The following GNAS variants were observed in gnomAD, a reference collection of about 807,000 sequenced individuals.
The protein encoded by GNAS is protein ALEX.
In GNAS, 8 loss-of-function variants were observed where a neutral mutation model predicts 54.5. That is an observed-to-expected ratio of 0.15 (90% CI 0.09 to 0.26). The LOEUF (loss-of-function observed/expected upper bound fraction) is 0.26. Ranked by LOEUF, GNAS falls within the 10% of genes least tolerant of loss-of-function variation. GNAS has a pLI of 1.00. For synonymous variants in GNAS, 204 were observed against 191.4 expected, an observed-to-expected ratio of 1.07 and a Z score of -0.54; for missense variants, 170 against 529.8, an observed-to-expected ratio of 0.32 and a Z score of 6.67.
intron 2 of GNAS, among the ~76,000 whole-genome samples, chr20:58,896,923 A>G (rs1218041569): frequency 6.6e-6 from 1 of 152,216 alleles, no homozygotes; most frequent in Admixed American, 6.5e-5. Flanking sequence ...TTTACTAGTC[A>G]CTAAGCATCC....
In GNAS at chr20:58,870,432, T is replaced by C. The variant is rs374297948; in HGVS notation, c.44-25180T>C. The stretch of plus-strand genomic sequence containing the variant: ...GGCAGGTGGCTGCCTCTTTCCAACC[T>C]TTCCTGGGCCATGGGAGCTCCTCCC... On this transcript the variant is annotated intron_variant, in intron 1 of 12. Coordinates refer to the GNAS transcript ENST00000306090. Among the ~76,000 whole-genome samples, 360 of 152,330 alleles carry C rather than the reference T, an allele frequency of 2.4e-3. 2 individuals are homozygous for C. Among genetic ancestry groups the C allele is most frequent in the African/African-American group, 8.3e-3 (346 of 41,586 alleles).
chr20:58,860,214 G>C (rs2086713846), intron 1 of GNAS, among the ~76,000 whole-genome samples: 2 of 151,566 alleles, frequency 1.3e-5, no homozygotes, highest in African/African-American at 4.9e-5. Flanking sequence ...CATTGCTTTG[G>C]TAATATTTCA....
chr20:58,903,344 G>A (rs2090801185), intron 3 of GNAS, 187 bp from the exon 4 acceptor site: 2 of 687,696 alleles, frequency 2.9e-6, no homozygotes, highest in Admixed American at 2.0e-5. Flanking sequence ...TGTCCTCAGG[G>A]CACATTTGGG....
intron 1 of GNAS, among the ~76,000 whole-genome samples, chr20:58,877,148 AT>A (rs3215656): frequency 2.4e-4 from 36 of 149,836 alleles, no homozygotes; most frequent in East Asian, 5.9e-4. Context: ...AAAGAACAAG[AT>A]TTTTTTTTTC....
At chr20:58,864,226 T>C (rs917353315) in intron 1 of GNAS, 5 of 152,226 alleles carry the variant, frequency 3.3e-5, no homozygotes, top group Admixed American at 2.0e-4. Flanking sequence ...AATAGATACC[T>C]TTTTTAAAAT....
Position 58,910,697 on chromosome 20 carries a change from C to T in GNAS, c.1053C>T (p.Ala351=), listed in dbSNP as rs11554269. ...TGTGCCCGCAGAGGATCAGCACTGCCAGTGGAGATGGGCGTCACTACTGCT... is the reference window on the plus strand; with the variant it reads ...TGTGCCCGCAGAGGATCAGCACTGCTAGTGGAGATGGGCGTCACTACTGCT... ...IRDEFLRIST[A]SGDGRHYCYP... is the part of the protein sequence containing the mutation. Residue 351 remains alanine, a synonymous_variant, in exon 13 of 13, where the codon GCC becomes GCT. Coordinates refer to ENST00000371085, the MANE Select transcript of GNAS (RefSeq NM_000516.7). The surrounding 1 kb of genome is among the most constrained non-coding windows in gnomAD (Gnocchi z 5.8). 1 of 1,614,152 alleles carries T rather than the reference C, an allele frequency of 6.2e-7. No homozygotes were observed. Among genetic ancestry groups the T allele is most frequent in the Non-Finnish European group, 8.5e-7 (1 of 1,180,008 alleles).
At chr20:58,884,504 A>G (rs1018465948) in intron 1 of GNAS, 1 of 152,146 alleles carries the variant, frequency 6.6e-6, no homozygotes, top group Non-Finnish European at 1.5e-5. Context: ...TCCTGTTGTC[A>G]CTTGTTTAGT....
chr20:58,854,226 A>G (rs776874260), intron 1 of GNAS: 1 of 1,612,882 alleles, frequency 6.2e-7, no homozygotes, highest in Non-Finnish European at 8.5e-7. Context: ...GGTCGACGAC[A>G]CTCCCGTCAA....
chr20:58,841,259 A>G lies in GNAS; in HGVS notation c.43+373A>G, dbSNP rs2085711074. On this transcript the variant is annotated intron_variant, in intron 1 of 12. Coordinates refer to the GNAS transcript ENST00000306090. This position sits in a 1 kb window ranked among gnomAD's most constrained non-coding sequence, Gnocchi z 5.0. ...TTTTGCGCGCTTTTCTTCCTCCTAGAAAGACTAGTCTCAAATAAGTTGGCC... is the reference window on the plus strand; with the variant it reads ...TTTTGCGCGCTTTTCTTCCTCCTAGGAAGACTAGTCTCAAATAAGTTGGCC... The G allele has an allele frequency of 7.1e-6, 7 of 992,724 alleles. No homozygotes were observed. The highest frequency in any genetic ancestry group is 8.8e-6 in the Non-Finnish European group (7 of 799,740). The allele number at this position is 992,724 out of a possible 1,614,324, so 61.5% of individuals were successfully genotyped here. A position where few individuals can be genotyped will look rare whatever the true frequency, so the allele number is the denominator to read the frequency against.
chr20:58,854,489 A>G, intron 1 of GNAS: 1 of 1,579,758 alleles, frequency 6.3e-7, no homozygotes, highest in Non-Finnish European at 8.6e-7. Context: ...GGGCAACCCC[A>G]GAAGATCCCG....
upstream of GNAS, chr20:58,840,233 C>G (rs1273364707): frequency 1.9e-6 from 3 of 1,611,036 alleles, no homozygotes; most frequent in South Asian, 2.2e-5. This position sits in a 1 kb window ranked among gnomAD's most constrained non-coding sequence, Gnocchi z 6.0. Context: ...CGCGCTCCTC[C>G]GCGCCCTTGC....
At chr20:58,880,166 A>G (rs978984086) in intron 1 of GNAS, among the ~76,000 whole-genome samples, 1 of 152,216 alleles carries the variant, frequency 6.6e-6, no homozygotes, top group Non-Finnish European at 1.5e-5. Context: ...GAGAGGCAGA[A>G]GAAGGGGCAA....
Position 58,909,640 on chromosome 20 carries a change from C to T in GNAS, c.719-44C>T, listed in dbSNP as rs371549092. The T allele has an allele frequency of 3.1e-6, 5 of 1,614,106 alleles. No homozygotes were observed. In the African/African-American group the frequency reaches 5.3e-5, roughly 17 times the overall value. On this transcript the variant is annotated intron_variant, in intron 9 of 12. Transcript: ENST00000371085. The surrounding 1 kb of genome is among the most constrained non-coding windows in gnomAD (Gnocchi z 7.3). ...GCTTTGCTTCTGTGTTGTTAGGGAT[C>T]AGGGTCGCTGCTCACGCTCTTGGCT...
At chr20:58,850,021 CT>C (rs2086093666) in intron 1 of GNAS, among the ~76,000 whole-genome samples, 1 of 152,204 alleles carries the variant, frequency 6.6e-6, no homozygotes, top group Admixed American at 6.5e-5. Context: ...TTTTCTCCCC[CT>C]GCTCCCCAAG....
At chr20:58,880,521 T>C (rs62203843) in intron 1 of GNAS, among the ~76,000 whole-genome samples, 18,862 of 152,178 alleles carry the variant, frequency 0.12, 1,573 homozygotes, top group Non-Finnish European at 0.17. Context: ...TAATGATGGG[T>C]CTTTGCTAGA....
rs2089341870 is a variant in GNAS at position 58,891,633 on chromosome 20, G to C, written c.-94G>C. 10 of 966,376 alleles carry C rather than the reference G, an allele frequency of 1.0e-5. No homozygotes were observed. The highest frequency in any genetic ancestry group is 8.5e-6 in the Non-Finnish European group (7 of 821,380). The allele number at this position is 966,376 out of a possible 1,614,324, so 59.9% of individuals were successfully genotyped here. A position where few individuals can be genotyped will look rare whatever the true frequency, so the allele number is the denominator to read the frequency against. ...AGCCGAGCCCGCGCCCGGCCCGCCCGCCCGGCGCTGCCCCGGCCCTCCCGG... is the reference window on the plus strand; with the variant it reads ...AGCCGAGCCCGCGCCCGGCCCGCCCCCCCGGCGCTGCCCCGGCCCTCCCGG... On this transcript the variant is annotated 5_prime_UTR_variant, in exon 1 of 13. Transcript: ENST00000371085.
intron 1 of GNAS, among the ~76,000 whole-genome samples, chr20:58,869,237 CA>C (rs1459913406): frequency 6.6e-6 from 1 of 152,204 alleles, no homozygotes; most frequent in Non-Finnish European, 1.5e-5. Flanking sequence ...ATTGAAAAAA[CA>C]GGAGGGATGT....
intron 1 of GNAS, among the ~76,000 whole-genome samples, chr20:58,869,820 AC>A (rs1435909609): frequency 2.0e-5 from 3 of 152,064 alleles, no homozygotes; most frequent in African/African-American, 7.2e-5. Context: ...TAAGGATGGG[AC>A]CCCTACTGTC....
intron 6 of GNAS, among the ~76,000 whole-genome samples, chr20:58,906,265 G>A (rs2091038668): frequency 6.6e-6 from 1 of 152,204 alleles, no homozygotes; most frequent in Middle Eastern, 3.2e-3. Flanking sequence ...TGGTTGGTGT[G>A]TTGGCAAATG....
Sources: allele counts gnomAD v4.1 joint callset (sites outside exome capture counted in the v4.1 genomes callset), GRCh38; gene constraint gnomAD v4.1.1; non-coding constraint Gnocchi (gnomAD v3.1); transcripts MANE v1.5; gene names NCBI Gene and HGNC (gene_info 2026-07-23, HGNC 2026-07-21).